The following RSPH9 variants were observed in gnomAD, a reference collection of about 807,000 sequenced individuals.
The protein encoded by RSPH9 is radial spoke head protein 9 homolog.
RSPH9 carries 27 observed loss-of-function variants against 27.0 expected under a neutral mutation model. That is an observed-to-expected ratio of 1.00 (90% CI 0.74 to 1.38). RSPH9 has a LOEUF of 1.38. Ranked by LOEUF, RSPH9 falls within the 40% of genes most tolerant of loss-of-function variation. RSPH9 has a pLI of 0.00. For synonymous variants in RSPH9, 145 were observed against 147.7 expected (o/e 0.98, Z 0.13); for missense variants, 347 against 357.4 (o/e 0.97, Z 0.24).
intron 4 of RSPH9, chr6:43,666,564 A>ACC: frequency 7.8e-7 from 1 of 1,283,252 alleles, no homozygotes; most frequent in South Asian, 1.3e-5. Flanking sequence ...CAAAGTGACA[A>ACC]GAGACACCTT....
At chr6:43,651,609 C>T (rs189833021) in intron 2 of RSPH9, among the ~76,000 whole-genome samples, 13 of 152,016 alleles carry the variant, frequency 8.6e-5, no homozygotes, top group Admixed American at 6.6e-4. Context: ...AGTGCAGTGG[C>T]GCCATCTCAG....
intron 4 of RSPH9, among the ~76,000 whole-genome samples, chr6:43,669,328 C>T (rs768111383): frequency 2.6e-5 from 4 of 152,334 alleles, no homozygotes; most frequent in Admixed American, 6.5e-5. Flanking sequence ...AAACTATATA[C>T]GCCCAGAAAA....
intron 4 of RSPH9, among the ~76,000 whole-genome samples, chr6:43,661,593 A>C (rs1772624194): frequency 6.9e-6 from 1 of 145,546 alleles, no homozygotes; most frequent in African/African-American, 2.5e-5. Context: ...CCCGGGAGGC[A>C]GAGGTTGCAG....
In RSPH9 at chr6:43,672,271, G is replaced by A. The variant is rs111741171; in HGVS notation, c.*1322G>A. 7 of 443,842 alleles carry A rather than the reference G, an allele frequency of 1.6e-5. No homozygotes were observed. Among genetic ancestry groups the A allele is most frequent in the African/African-American group, 8.0e-5 (4 of 49,728 alleles). The allele number at this position is 443,842 out of a possible 1,614,324, so 27.5% of individuals were successfully genotyped here. Reference sequence around the variant, plus strand: ...CAGCCATGGGGCGAGAAGAGCTGATGTAAGGCTCTGGAGGAACCCATTGCT... The same window carrying A: ...CAGCCATGGGGCGAGAAGAGCTGATATAAGGCTCTGGAGGAACCCATTGCT... On this transcript the variant is annotated 3_prime_UTR_variant, in exon 5 of 5. Coordinates refer to ENST00000372163, the MANE Select transcript of RSPH9 (RefSeq NM_152732.5).
Position 43,670,858 on chromosome 6 carries a change from T to G in RSPH9, c.740T>G (p.Leu247Arg). 6.2e-7 allele frequency: 1 copy of G among 1,614,236 alleles called. No individual in the cohort carries two copies. Among genetic ancestry groups the G allele is most frequent in the Non-Finnish European group, 8.5e-7 (1 of 1,180,046 alleles). Residue 247 changes from leucine to arginine, a missense_variant, in exon 5 of 5, where the codon CTC becomes CGC. Physicochemically the swap from Leu to Arg is moderately radical, Grantham distance 102. Coordinates refer to ENST00000372163, the MANE Select transcript of RSPH9 (RefSeq NM_152732.5). ...CTGCGCAGCCTGCTCTGGCCGGGCC[T>G]CACCTTCTACCATGCTCCCCGCACC... Reference protein sequence around the residue: ...VVLRSLLWPGLTFYHAPRTKN... With the variant: ...VVLRSLLWPGRTFYHAPRTKN...
chr6:43,645,158 C>T lies in RSPH9; in HGVS notation c.60C>T (p.Leu20=). 6.2e-7 allele frequency: 1 copy of T among 1,613,602 alleles called. No homozygotes were observed. The highest frequency in any genetic ancestry group is 8.5e-7 in the Non-Finnish European group (1 of 1,180,014). The change falls in exon 1 of 5, where the codon CTC becomes CTT. Residue 20 remains leucine, a synonymous_variant. Transcript: ENST00000372163. ...TGGCGTCCGGCAGTGGGCAGGGCCT[C>T]AGCCCGGACCGTCGGGCCTCGCTGC... is the stretch of plus-strand genomic sequence containing the variant. The part of the protein sequence containing the change: ...LELASGSGQG[L]SPDRRASLLT...
intron 2 of RSPH9, 50 bp downstream of exon 2, chr6:43,650,590 A>C: frequency 6.2e-7 from 1 of 1,602,000 alleles, no homozygotes; most frequent in Non-Finnish European, 8.5e-7. Context: ...GCCTGGGCTC[A>C]TCCAAAACCC....
At position 43,671,096 on chromosome 6, in the gene RSPH9, C is replaced by A; in HGVS notation, c.*147C>A. 1.0e-6 allele frequency: 1 copy of A among 984,732 alleles called. No homozygotes were observed. Among genetic ancestry groups the A allele is most frequent in the Non-Finnish European group, 1.5e-6 (1 of 649,532 alleles). The allele number at this position is 984,732 out of a possible 1,614,324, so 61.0% of individuals were successfully genotyped here. On this transcript the variant is annotated 3_prime_UTR_variant, in exon 5 of 5. Transcript: ENST00000372163. Reference sequence around the variant, plus strand: ...CTGAAAGGCCCACTGAGCCAGGGAGCTCATTTCTAAACCAAGTGGCAGAGG... The same window carrying A: ...CTGAAAGGCCCACTGAGCCAGGGAGATCATTTCTAAACCAAGTGGCAGAGG...
rs529787025 is a variant in RSPH9 at position 43,665,757 on chromosome 6, T to A, written c.671-5032T>A. Among the ~76,000 whole-genome samples, 150 of 152,182 alleles carry A rather than the reference T, an allele frequency of 9.9e-4. 3 individuals carry two copies. Among genetic ancestry groups the A allele is most frequent in the Non-Finnish European group, 8.2e-4 (56 of 67,974 alleles). On this transcript the variant is annotated intron_variant, in intron 4 of 4. Coordinates refer to ENST00000372163, the MANE Select transcript of RSPH9 (RefSeq NM_152732.5). ...GCTCCTGGCCTTACCTTGGGAAACC[T>A]CCCCATACTCTTCAGGTCCTTCCTC...
At chr6:43,647,383 G>C (rs972554100) in intron 1 of RSPH9, among the ~76,000 whole-genome samples, 1 of 152,198 alleles carries the variant, frequency 6.6e-6, no homozygotes, top group Non-Finnish European at 1.5e-5. Context: ...TGGCCTGAAA[G>C]TGTGGTGAGC....
chr6:43,667,516 G>C (rs780829935), intron 4 of RSPH9, among the ~76,000 whole-genome samples: 4 of 152,244 alleles, frequency 2.6e-5, no homozygotes, highest in Non-Finnish European at 4.4e-5. Flanking sequence ...CATGGGCGCG[G>C]GGGGGAACAT....
intron 4 of RSPH9, among the ~76,000 whole-genome samples, chr6:43,670,502 C>T (rs1379834433): frequency 6.6e-6 from 1 of 152,118 alleles, no homozygotes; most frequent in African/African-American, 2.4e-5. Context: ...ACTCTGGAGG[C>T]TAAGGTGGGA....
intron 1 of RSPH9, among the ~76,000 whole-genome samples, chr6:43,647,658 G>A (rs539348327): frequency 2.0e-5 from 3 of 152,338 alleles, no homozygotes; most frequent in East Asian, 3.9e-4. Flanking sequence ...TGAATTTGAT[G>A]TGAGGTGCCT....
rs544029593 is a variant in RSPH9 at position 43,659,469 on chromosome 6, G to A, written c.670+2746G>A. Among the ~76,000 whole-genome samples the A allele has an allele frequency of 1.3e-3, 193 of 150,014 alleles. 2 individuals are homozygous for A. The highest frequency in any genetic ancestry group is 4.5e-3 in the African/African-American group (182 of 40,744). On this transcript the variant is annotated intron_variant, in intron 4 of 4. Coordinates refer to ENST00000372163, the MANE Select transcript of RSPH9 (RefSeq NM_152732.5). ...GCGATCTCGGCTCACTGCAAGCTCC[G>A]CCTCCCGGGTTCACGCCATTCTCCT...
At chr6:43,659,902 T>A (rs1772435818) in intron 4 of RSPH9, among the ~76,000 whole-genome samples, 1 of 151,690 alleles carries the variant, frequency 6.6e-6, no homozygotes, top group Admixed American at 6.6e-5. Context: ...CTGGCTAATT[T>A]TAAAAATATT....
intron 2 of RSPH9, 142 bp downstream of exon 2, chr6:43,650,682 G>A: frequency 3.7e-6 from 3 of 801,040 alleles, no homozygotes. Flanking sequence ...TGAGGCGGGT[G>A]GATCATGAGG....
intron 4 of RSPH9, among the ~76,000 whole-genome samples, chr6:43,657,500 G>A (rs189001854): frequency 6.6e-6 from 1 of 152,338 alleles, no homozygotes. Flanking sequence ...CACAGTAAGT[G>A]TTAAAGTGTT....
At chr6:43,645,402 TGAAA>T in intron 1 of RSPH9, 77 bp downstream of exon 1, 1 of 1,051,064 alleles carries the variant, frequency 9.5e-7, no homozygotes, top group Non-Finnish European at 1.4e-6. Flanking sequence ...TCGCAGCAAT[TGAAA>T]GGGGCGGGGC....
intron 2 of RSPH9, among the ~76,000 whole-genome samples, chr6:43,653,923 C>T (rs909666231): frequency 1.3e-5 from 2 of 152,252 alleles, no homozygotes; most frequent in Non-Finnish European, 2.9e-5. Flanking sequence ...AACTCCCGAC[C>T]TCAGGTGATC....
Sources: gnomAD v4.1 joint callset for allele counts (sites outside exome capture counted in the v4.1 genomes callset) on GRCh38, gnomAD v4.1.1 for gene constraint, MANE v1.5 for transcripts, NCBI Gene and HGNC (gene_info 2026-07-23, HGNC 2026-07-21) for gene names.